CSMD1: variants seen among roughly 807,000 people sequenced by gnomAD.
CSMD1 encodes CUB and Sushi multiple domains 1.
Under a neutral mutation model 417.5 loss-of-function variants are expected in CSMD1, and 213 were observed. The observed-to-expected ratio is 0.51, with a 90% CI of 0.46 to 0.57. The LOEUF is 0.57. Ranked by LOEUF, CSMD1 falls within the 20% of genes least tolerant of loss-of-function variation. The pLI, the probability that CSMD1 is intolerant of heterozygous loss-of-function variation, is 0.00. For missense variants in CSMD1, 6,923 were observed against 4,529.7 expected (o/e 1.53, Z -15.17); for synonymous variants, 2,862 against 1,736.8 (o/e 1.65, Z -16.11).
chr8:3,677,837 T>G (rs1055536887), intron 7 of CSMD1, among the ~76,000 whole-genome samples: 3 of 152,164 alleles, frequency 2.0e-5, no homozygotes, highest in Non-Finnish European at 1.5e-5. Flanking sequence ...TTCAATAACA[T>G]TCTTTAACTC....
At chr8:2,968,941 T>C (rs555869204) in intron 57 of CSMD1, among the ~76,000 whole-genome samples, 5 of 152,254 alleles carry the variant, frequency 3.3e-5, no homozygotes, top group African/African-American at 7.2e-5. Context: ...TATAATAAAA[T>C]ATTATGCTTA....
intron 1 of CSMD1, among the ~76,000 whole-genome samples, chr8:4,822,554 G>A (rs1799580452): frequency 2.0e-5 from 3 of 151,966 alleles, no homozygotes; most frequent in Non-Finnish European, 4.4e-5. Flanking sequence ...CTTAAACTAT[G>A]TGCAGGAAAA....
At chr8:4,504,819 T>G (rs4875106) in intron 2 of CSMD1, among the ~76,000 whole-genome samples, 2 of 152,026 alleles carry the variant, frequency 1.3e-5, no homozygotes, top group Non-Finnish European at 2.9e-5. Context: ...AACTCATTAT[T>G]TTTTATGGCT....
chr8:3,910,049 G>C (rs1019069563), intron 5 of CSMD1, among the ~76,000 whole-genome samples: 1 of 152,018 alleles, frequency 6.6e-6, no homozygotes, highest in East Asian at 1.9e-4. Context: ...TTAAAACAGA[G>C]GCATCACTAG....
At chr8:4,064,380 T>C (rs1027423817) in intron 3 of CSMD1, among the ~76,000 whole-genome samples, 1 of 152,206 alleles carries the variant, frequency 6.6e-6, no homozygotes, top group African/African-American at 2.4e-5. Context: ...TTTTCTGCAG[T>C]TGTTTTCTCC....
At chr8:4,732,341 C>CTGTG (rs1809941426) in intron 1 of CSMD1, among the ~76,000 whole-genome samples, 1 of 73,330 alleles carries the variant, frequency 1.4e-5, no homozygotes, top group South Asian at 6.6e-4. Context: ...TAAATTTCTT[C>CTGTG]TGCGTGTGTG....
intron 1 of CSMD1, among the ~76,000 whole-genome samples, chr8:4,965,662 G>T (rs1270759030): frequency 6.6e-6 from 1 of 152,144 alleles, no homozygotes; most frequent in African/African-American, 2.4e-5. Context: ...GAAAGTACAT[G>T]CTCTTAGTCT....
chr8:4,204,091 ACT>A (rs375589886), intron 3 of CSMD1, among the ~76,000 whole-genome samples: 9 of 152,020 alleles, frequency 5.9e-5, no homozygotes, highest in East Asian at 1.9e-4. Context: ...ACAGAACAAG[ACT>A]CTGTCTCAAA....
chr8:4,181,591 A>T (rs73658438), intron 3 of CSMD1, among the ~76,000 whole-genome samples: 1,575 of 152,278 alleles, frequency 0.01, 27 homozygotes, highest in African/African-American at 0.036. Flanking sequence ...ACAGGATGGA[A>T]AAGCTTGCTA....
intron 3 of CSMD1, among the ~76,000 whole-genome samples, chr8:4,135,727 C>A (rs1426140807): frequency 6.6e-6 from 1 of 151,878 alleles, no homozygotes; most frequent in Non-Finnish European, 1.5e-5. Context: ...ATTCAGTCAC[C>A]AATTTATCAT....
chr8:3,971,573 C>T (rs1333139975), intron 5 of CSMD1, among the ~76,000 whole-genome samples: 1 of 152,058 alleles, frequency 6.6e-6, no homozygotes, highest in Admixed American at 6.6e-5. Flanking sequence ...AAAATTAATA[C>T]CATAATTTTG....
chr8:4,731,525 T>A (rs293883), intron 1 of CSMD1, among the ~76,000 whole-genome samples: 68,599 of 152,074 alleles, frequency 0.45, 15,950 homozygotes, highest in East Asian at 0.55. Context: ...TTTCCATTTA[T>A]CTATTTGTTC....
intron 5 of CSMD1, among the ~76,000 whole-genome samples, chr8:3,964,182 T>C (rs1313901027): frequency 6.6e-6 from 1 of 152,166 alleles, no homozygotes; most frequent in Admixed American, 6.5e-5. Flanking sequence ...CAAGTAAACA[T>C]TAAAGGCATT....
chr8:4,921,718 C>T (rs371485553), intron 1 of CSMD1, among the ~76,000 whole-genome samples: 1 of 152,278 alleles, frequency 6.6e-6, no homozygotes, highest in African/African-American at 2.4e-5. Context: ...AATGTTTACT[C>T]ACCCTAAGAC....
In CSMD1 at chr8:2,935,938, G is replaced by A. The variant is rs1801426345; in HGVS notation, c.*2647C>T. On this transcript the variant is annotated 3_prime_UTR_variant, in exon 70 of 70. Coordinates refer to ENST00000635120, the MANE Select transcript of CSMD1 (RefSeq NM_033225.6). ...TGAAGCACGTGTCCTCTGTTAGTGTGTGGTCGCGTCCCTCACGCGTGTTCC... is the reference window on the plus strand; with the variant it reads ...TGAAGCACGTGTCCTCTGTTAGTGTATGGTCGCGTCCCTCACGCGTGTTCC... 4 of 152,214 alleles carry A rather than the reference G, an allele frequency of 2.6e-5. No individual in the cohort carries two copies. The highest frequency in any genetic ancestry group is 2.1e-4 in the South Asian group (1 of 4,834). 9.4% of individuals were successfully genotyped at this position (152,214 alleles called of 1,614,324 possible). A position where few individuals can be genotyped will look rare whatever the true frequency, so the allele number is the denominator to read the frequency against.
At chr8:4,469,519 C>A (rs996844435) in intron 2 of CSMD1, among the ~76,000 whole-genome samples, 2 of 152,182 alleles carry the variant, frequency 1.3e-5, no homozygotes, top group African/African-American at 2.4e-5. Context: ...CAAACCTATT[C>A]CTTCCGGAGC....
intron 1 of CSMD1, among the ~76,000 whole-genome samples, chr8:4,844,308 G>C (rs1484660255): frequency 6.6e-6 from 1 of 152,130 alleles, no homozygotes; most frequent in Non-Finnish European, 1.5e-5. Context: ...AGCATCAGTA[G>C]ATAGTGCCGT....
At chr8:4,144,364 T>G (rs548738083) in intron 3 of CSMD1, among the ~76,000 whole-genome samples, 3 of 151,154 alleles carry the variant, frequency 2.0e-5, no homozygotes, top group Admixed American at 2.0e-4. Context: ...AATTTTCTGA[T>G]AAGGGTGTGT....
chr8:3,720,728 T>A (rs1488932766), intron 6 of CSMD1, among the ~76,000 whole-genome samples: 2 of 152,074 alleles, frequency 1.3e-5, no homozygotes, highest in Admixed American at 6.5e-5. Flanking sequence ...CTCTAAGCCC[T>A]GGGAGATTCA....
Sources: gnomAD v4.1 joint callset for allele counts (sites outside exome capture counted in the v4.1 genomes callset) on GRCh38, gnomAD v4.1.1 for gene constraint, MANE v1.5 for transcripts, NCBI Gene and HGNC (gene_info 2026-07-23, HGNC 2026-07-21) for gene names.